Variants in LRTM1 observed in about 807,000 individuals in gnomAD.
LRTM1 encodes the protein leucine-rich repeat and transmembrane domain-containing protein 1.
A neutral mutation model predicts 32.4 loss-of-function variants in LRTM1; 38 were observed. That is an observed-to-expected ratio of 1.17 (90% CI 0.91 to 1.54). The LOEUF is 1.54. Ranked by LOEUF, LRTM1 falls within the 40% of genes most tolerant of loss-of-function variation. The probability of loss-of-function intolerance (pLI) is 0.00; values close to 1 mark genes in which losing one functional copy is unlikely to be tolerated. For synonymous variants in LRTM1, 186 were observed against 169.9 expected (o/e 1.09, Z -0.74); for missense variants, 466 against 415.4 (o/e 1.12, Z -1.06).
chr3:54,933,003 A>G (rs964313550), upstream of LRTM1, among the ~76,000 whole-genome samples: 1 of 152,208 alleles, frequency 6.6e-6, no homozygotes, highest in Non-Finnish European at 1.5e-5. Flanking sequence ...CACAGTTTAT[A>G]CAGAGCTATT....
intron 1 of LRTM1, 94 bp from the exon 2 acceptor site, chr3:54,925,309 C>A: frequency 9.5e-7 from 1 of 1,050,966 alleles, no homozygotes. Flanking sequence ...AATGTGCTTT[C>A]CAGCCAGGTG....
rs147211895 is a variant in LRTM1 at position 54,945,343 on chromosome 3, C to G, written c.-221-20128G>C. ...GGGATCTGGCTCTCCGAGCCTTACT[C>G]TGTAGTATCTTGGCCTCGAAAGTGG... On this transcript the variant is annotated intron_variant, in intron 1 of 2. Coordinates refer to the LRTM1 transcript ENST00000493075. Among the ~76,000 whole-genome samples the G allele has an allele frequency of 3.2e-3, 485 of 152,316 alleles. 4 individuals carry two copies. The highest frequency in any genetic ancestry group is 0.011 in the African/African-American group (458 of 41,574).
upstream of LRTM1, among the ~76,000 whole-genome samples, chr3:54,931,830 A>G (rs1056687701): frequency 6.6e-6 from 1 of 152,218 alleles, no homozygotes; most frequent in African/African-American, 2.4e-5. Context: ...AAAATTGACA[A>G]TGTCTTGAAA....
chr3:54,931,087 CT>C (rs1701177309), upstream of LRTM1, among the ~76,000 whole-genome samples: 1 of 152,190 alleles, frequency 6.6e-6, no homozygotes, highest in African/African-American at 2.4e-5. Flanking sequence ...CAGAGTGAGA[CT>C]CCTTCTCAAA....
chr3:54,924,876 C>T lies in LRTM1; in HGVS notation c.347G>A (p.Arg116Lys). Reference sequence around the variant, plus strand: ...CAGCTGAGGGAGGGAATGGAAAAGTCTGCTTTCCAGGGAAAGGAGTGAATT... The same window carrying T: ...CAGCTGAGGGAGGGAATGGAAAAGTTTGCTTTCCAGGGAAAGGAGTGAATT... ...TQNSLLSLESRLFHSLPQLRE... is the reference protein window; with the variant it reads ...TQNSLLSLESKLFHSLPQLRE... The change falls in exon 2 of 3, where the codon AGA becomes AAA. Residue 116 changes from arginine to lysine, a missense_variant. Transcript: ENST00000273286. 6.2e-7 allele frequency: 1 copy of T among 1,613,798 alleles called. No homozygotes were observed. Among genetic ancestry groups the T allele is most frequent in the Non-Finnish European group, 8.5e-7 (1 of 1,179,766 alleles).
intron 1 of LRTM1, among the ~76,000 whole-genome samples, chr3:54,952,238 T>C (rs76338940): frequency 6.6e-6 from 1 of 152,324 alleles, no homozygotes; most frequent in Non-Finnish European, 1.5e-5. Flanking sequence ...CAAAGGATGT[T>C]GGCCTTGCAC....
chr3:54,944,953 G>A (rs946192833), intron 1 of LRTM1, among the ~76,000 whole-genome samples: 1 of 152,066 alleles, frequency 6.6e-6, no homozygotes, highest in Non-Finnish European at 1.5e-5. Context: ...TAAGAGTGAG[G>A]CACTAAAATG....
intron 2 of LRTM1, among the ~76,000 whole-genome samples, chr3:54,920,433 T>G (rs1287718175): frequency 1.3e-5 from 2 of 152,166 alleles, no homozygotes; most frequent in African/African-American, 4.8e-5. Flanking sequence ...CTTGGGTTCC[T>G]CCTGGCTTCT....
At chr3:54,920,885 C>T (rs141655283) in intron 2 of LRTM1, among the ~76,000 whole-genome samples, 3 of 152,170 alleles carry the variant, frequency 2.0e-5, no homozygotes, top group Admixed American at 1.3e-4. Flanking sequence ...TTCTGTTGTT[C>T]GGTATTAAGG....
chr3:54,957,287 T>C (rs1422455977), intron 1 of LRTM1, among the ~76,000 whole-genome samples: 1 of 151,906 alleles, frequency 6.6e-6, no homozygotes, highest in Non-Finnish European at 1.5e-5. Flanking sequence ...ACTTAGACTA[T>C]AGGTGTACGC....
At chr3:54,965,186 G>C (rs957521061) in intron 1 of LRTM1, among the ~76,000 whole-genome samples, 2 of 152,160 alleles carry the variant, frequency 1.3e-5, no homozygotes, top group Non-Finnish European at 1.5e-5. Flanking sequence ...TGTGCTGCAA[G>C]AAAACTTTAT....
At chr3:54,928,890 T>C (rs1701107372), upstream of LRTM1, among the ~76,000 whole-genome samples, 1 of 152,158 alleles carries the variant, frequency 6.6e-6, no homozygotes, top group Non-Finnish European at 1.5e-5. Context: ...CTTCTCTAAT[T>C]GAAGCTTCAG....
In LRTM1 at chr3:54,925,202, C is replaced by T; in HGVS notation, c.21G>A (p.Leu7=). Residue 7 remains leucine, a synonymous_variant, in exon 2 of 3, where the codon CTG becomes CTA. Transcript: ENST00000273286. MKGELL[L]FSSVIVLLQV... ...GGAGCAGGACAATCACACTGGAAAA[C>T]AGGAGCAGTTCACCTACAACAAACA... 1 of 1,611,448 alleles carries T rather than the reference C, an allele frequency of 6.2e-7. No homozygotes were observed. The highest frequency in any genetic ancestry group is 8.5e-7 in the Non-Finnish European group (1 of 1,177,920).
Position 54,939,794 on chromosome 3 carries a change from A to G in LRTM1, c.-221-14579T>C, listed in dbSNP as rs1033288699. On this transcript the variant is annotated intron_variant, in intron 1 of 2. Transcript: ENST00000493075. The stretch of plus-strand genomic sequence containing the variant: ...AGACCAGTAGCGGGAGAAGCATGGC[A>G]TTTTGTGGGCCTGCTCCTGCCCTTC... 2.0e-5 allele frequency among the ~76,000 whole-genome samples: 3 copies of G among 152,212 alleles called. No individual in the cohort carries two copies. The South Asian group carries it at 6.2e-4, about 32-fold the overall frequency.
chr3:54,950,486 T>C (rs754716313), intron 1 of LRTM1, among the ~76,000 whole-genome samples: 2 of 152,212 alleles, frequency 1.3e-5, no homozygotes, highest in Non-Finnish European at 2.9e-5. Flanking sequence ...GATATAATGC[T>C]GACAATAATT....
chr3:54,927,478 A>T (rs1239156497), intron 1 of LRTM1, among the ~76,000 whole-genome samples: 2 of 152,218 alleles, frequency 1.3e-5, no homozygotes, highest in Admixed American at 6.5e-5. Flanking sequence ...GGGCTCAAGC[A>T]TTAATTAGTT....
chr3:54,963,476 C>T (rs1702078223), intron 1 of LRTM1, among the ~76,000 whole-genome samples: 1 of 152,182 alleles, frequency 6.6e-6, no homozygotes, highest in Non-Finnish European at 1.5e-5. Flanking sequence ...TGACATCTAA[C>T]TAGTGCAACT....
rs1702067760 is a variant in LRTM1, at chr3:54,963,020, CATG to C, written c.-222+3905_-222+3907del. Reference sequence around the variant, plus strand: ...TTACACTTGAATGCATGTCTATTAACATGATATGAGATGCATGCATGATTTCAT... The same window carrying C: ...TTACACTTGAATGCATGTCTATTAACATATGAGATGCATGCATGATTTCAT... On this transcript the variant is annotated intron_variant, in intron 1 of 2. Transcript: ENST00000493075. Among the ~76,000 whole-genome samples, 15 of 152,266 alleles carry C rather than the reference CATG, an allele frequency of 9.9e-5. No individual in the cohort carries two copies. The South Asian group carries it at 3.1e-3, about 32-fold the overall frequency.
chr3:54,924,695 A>G lies in LRTM1; in HGVS notation c.528T>C (p.Leu176=), dbSNP rs1451245577. ...LESMPSVRLL[L]LKDNLWKCNC... ...TGCATTTCCAGAGGTTGTCCTTGAG[A>G]AGTAAAAGCCTCACACTGGGCATGG... Residue 176 remains leucine, a synonymous_variant, in exon 2 of 3, where the codon CTT becomes CTC. Transcript: ENST00000273286. 7 of 1,614,136 alleles carry G rather than the reference A, an allele frequency of 4.3e-6. No individual in the cohort carries two copies. The highest frequency in any genetic ancestry group is 5.1e-6 in the Non-Finnish European group (6 of 1,180,012).
Sources: allele counts gnomAD v4.1 joint callset (sites outside exome capture counted in the v4.1 genomes callset), GRCh38; gene constraint gnomAD v4.1.1; transcripts MANE v1.5; gene names NCBI Gene and HGNC (gene_info 2026-07-23, HGNC 2026-07-21).